Variants in UNKL observed in about 807,000 individuals in gnomAD.
The protein encoded by UNKL is unk like zinc finger.
UNKL carries 60 observed loss-of-function variants against 78.0 expected under a neutral mutation model. That is an observed-to-expected ratio of 0.77 (90% CI 0.63 to 0.95). UNKL has a LOEUF of 0.95. Among genes scored for constraint, UNKL ranks in the 40% least tolerant of loss-of-function variants. UNKL has a pLI of 0.00. For missense variants in UNKL, 1,159 were observed against 1,045.7 expected (o/e 1.11, Z -1.49); for synonymous variants, 608 against 474.8 (o/e 1.28, Z -3.65).
At chr16:1,406,315 C>T (rs1333770633) in intron 2 of UNKL, among the ~76,000 whole-genome samples, 4 of 151,762 alleles carry the variant, frequency 2.6e-5, no homozygotes, top group African/African-American at 9.7e-5. Flanking sequence ...TGCGTTTAAG[C>T]GATTCTCCTG....
rs966168612 is a variant in UNKL, at chr16:1,392,955, T to C, written c.959A>G (p.Glu320Gly). The change falls in exon 8 of 15, where the codon GAA becomes GGA. Residue 320 changes from glutamate (E) to glycine (G), a missense_variant. By Grantham distance (98) the Glu-to-Gly change is moderately conservative. Coordinates refer to ENST00000389221, the MANE Select transcript of UNKL (RefSeq NM_001372107.1). The part of the protein sequence containing the change: ...HVEKSLGMVN[E>G]WGCHDLHLTS... The stretch of plus-strand genomic sequence containing the variant: ...GAGGTGGAGGTCGTGACAGCCCCAT[T>C]CATTCACCATCCCCAGGCTCTCTGC... 19 of 1,550,480 alleles carry C rather than the reference T, an allele frequency of 1.2e-5. No individual in the cohort carries two copies. The highest frequency in any genetic ancestry group is 1.7e-5 in the Non-Finnish European group (19 of 1,146,978).
At chr16:1,411,964 T>A (rs1270198822) in intron 2 of UNKL, 2 of 152,196 alleles carry the variant, frequency 1.3e-5, no homozygotes, top group Non-Finnish European at 2.9e-5. Flanking sequence ...GAAAACAGAC[T>A]TCACAAGGAT....
At chr16:1,390,388 G>GT (rs1394603524) in intron 9 of UNKL, among the ~76,000 whole-genome samples, 1 of 152,228 alleles carries the variant, frequency 6.6e-6, no homozygotes, top group Non-Finnish European at 1.5e-5. Flanking sequence ...CGAGCACGAT[G>GT]TTGTGGCTTT....
At chr16:1,380,873 C>T (rs1437111308) in intron 10 of UNKL, among the ~76,000 whole-genome samples, 1 of 152,078 alleles carries the variant, frequency 6.6e-6, no homozygotes, top group African/African-American at 2.4e-5. Flanking sequence ...TGGGGTTTCA[C>T]CATGTTGGTC....
At chr16:1,405,689 C>G (rs1032854120) in intron 2 of UNKL, among the ~76,000 whole-genome samples, 3 of 152,058 alleles carry the variant, frequency 2.0e-5, no homozygotes, top group Non-Finnish European at 2.9e-5. Context: ...CTCACGGATG[C>G]CCAAGGAGGG....
At chr16:1,383,680 C>G in intron 10 of UNKL, 2 of 413,350 alleles carry the variant, frequency 4.8e-6, no homozygotes, top group South Asian at 3.3e-5. Flanking sequence ...GGGGCAACCA[C>G]CAACGACCAG....
chr16:1,393,177 T>C (rs767481631), intron 7 of UNKL, among the ~76,000 whole-genome samples: 6 of 152,214 alleles, frequency 3.9e-5, no homozygotes, highest in Non-Finnish European at 7.3e-5. Context: ...GTTTTTCATG[T>C]TTTTAACACT....
intron 12 of UNKL, chr16:1,368,185 A>G: frequency 5.0e-6 from 2 of 397,860 alleles, no homozygotes; most frequent in East Asian, 4.9e-5. Flanking sequence ...TGGTTCTCAG[A>G]CTCCACTCCC....
intron 9 of UNKL, among the ~76,000 whole-genome samples, chr16:1,386,744 G>A (rs1257085021): frequency 1.3e-5 from 2 of 152,054 alleles, no homozygotes; most frequent in Non-Finnish European, 2.9e-5. Flanking sequence ...CGACAAGAAC[G>A]CGCCTGGCTC....
At position 1,385,329 on chromosome 16, in the gene UNKL, G is replaced by T; in HGVS notation, c.1143C>A (p.Ser381Arg). The change falls in exon 10 of 15, where the codon AGC becomes AGA. Residue 381 changes from serine (S) to arginine (R), a missense_variant. Ser to Arg is a moderately radical substitution (Grantham distance 110). Coordinates refer to ENST00000389221, the MANE Select transcript of UNKL (RefSeq NM_001372107.1). Reference protein sequence around the residue: ...VHPPAPSVSSSVASSLASSAG... With the variant: ...VHPPAPSVSSRVASSLASSAG... ...CGCTGGACGCCAGGCTGGACGCCAC[G>T]CTGGAGCTCACGCTGGGGGCCGGCG... 1 of 1,428,112 alleles carries T rather than the reference G, an allele frequency of 7.0e-7. No homozygotes were observed. Among genetic ancestry groups the T allele is most frequent in the Non-Finnish European group, 9.1e-7 (1 of 1,095,134 alleles). 88.5% of individuals were successfully genotyped at this position (1,428,112 alleles called of 1,614,324 possible). A position where few individuals can be genotyped will look rare whatever the true frequency, so the allele number is the denominator to read the frequency against.
intron 2 of UNKL, among the ~76,000 whole-genome samples, 192 bp downstream of exon 2, chr16:1,413,654 G>A (rs1365642061): frequency 1.3e-5 from 2 of 152,230 alleles, no homozygotes; most frequent in Non-Finnish European, 2.9e-5. Flanking sequence ...ATAATCCCTC[G>A]GGAACTGGCC....
intron 14 of UNKL, 145 bp from the exon 15 acceptor site, chr16:1,366,540 C>T: frequency 1.9e-6 from 2 of 1,062,408 alleles, no homozygotes; most frequent in South Asian, 1.8e-5. Flanking sequence ...GACGCCCCAG[C>T]CAGGGCCACC....
chr16:1,395,789 G>A (rs138044344), intron 6 of UNKL: 72 of 455,988 alleles, frequency 1.6e-4, no homozygotes, highest in African/African-American at 1.0e-3. Context: ...AAAACGCCCC[G>A]GACACCGGAC....
intron 9 of UNKL, among the ~76,000 whole-genome samples, chr16:1,389,140 G>A (rs1051748184): frequency 1.3e-5 from 2 of 149,796 alleles, no homozygotes; most frequent in Non-Finnish European, 3.0e-5. Context: ...GTGGAATCAC[G>A]CAGGTTTTGC....
intron 14 of UNKL, 121 bp from the exon 15 acceptor site, chr16:1,366,516 G>T (rs578161701): frequency 4.6e-6 from 6 of 1,313,756 alleles, no homozygotes; most frequent in African/African-American, 3.0e-5. Flanking sequence ...CAGCTACAGA[G>T]ACAGGGTCAG....
At chr16:1,404,506 A>G (rs1311616450) in intron 2 of UNKL, among the ~76,000 whole-genome samples, 2 of 152,226 alleles carry the variant, frequency 1.3e-5, no homozygotes, top group East Asian at 3.9e-4. Context: ...GAGGGTCGAC[A>G]GAGGCAGAAG....
chr16:1,398,811 C>T, intron 5 of UNKL: 6 of 1,550,434 alleles, frequency 3.9e-6, no homozygotes, highest in South Asian at 1.2e-5. Context: ...GGTGCCAAAC[C>T]CACAAGCCAG....
chr16:1,381,071 G>A (rs1191531867), intron 10 of UNKL, among the ~76,000 whole-genome samples: 1 of 152,166 alleles, frequency 6.6e-6, no homozygotes, highest in African/African-American at 2.4e-5. Context: ...AAGAATGGTT[G>A]GAAAAATGAC....
chr16:1,414,075 C>G lies in UNKL; in HGVS notation c.78-20G>C. ...AGGTACCTACAAACACAGACAGCGC[C>G]GCGGCTCGCTTCCGGCAGCACCTCC... On this transcript the variant is annotated intron_variant, in intron 1 of 14. Transcript: ENST00000389221. 2.0e-6 allele frequency: 3 copies of G among 1,524,482 alleles called. No individual in the cohort carries two copies. The South Asian group carries it at 3.6e-5, about 18-fold the overall frequency. 94.4% of individuals were successfully genotyped at this position (1,524,482 alleles called of 1,614,324 possible). A position where few individuals can be genotyped will look rare whatever the true frequency, so the allele number is the denominator to read the frequency against.
Sources: allele counts gnomAD v4.1 joint callset (sites outside exome capture counted in the v4.1 genomes callset), GRCh38; gene constraint gnomAD v4.1.1; transcripts MANE v1.5; gene names NCBI Gene and HGNC (gene_info 2026-07-23, HGNC 2026-07-21).